Variants in ITPR1 observed in about 807,000 individuals in gnomAD.
The protein encoded by ITPR1 is inositol 1,4,5-trisphosphate receptor type 1, also known as inositol 1,4,5-trisphosphate-gated calcium channel ITPR1.
Under a neutral mutation model 318.4 loss-of-function variants are expected in ITPR1, and 96 were observed. That is an observed-to-expected ratio of 0.30 (90% CI 0.26 to 0.36). ITPR1 has a LOEUF of 0.36. Ranked by LOEUF, ITPR1 falls within the 10% of genes least tolerant of loss-of-function variation. The pLI is 1.00. For synonymous variants in ITPR1, 1,312 were observed against 1,289.9 expected, an observed-to-expected ratio of 1.02 and a Z score of -0.37; for missense variants, 2,440 against 3,460.2, an observed-to-expected ratio of 0.71 and a Z score of 7.40.
intron 53 of ITPR1, among the ~76,000 whole-genome samples, chr3:4,797,499 C>A (rs2047973706): frequency 6.6e-6 from 1 of 152,142 alleles, no homozygotes; most frequent in Admixed American, 6.5e-5. Context: ...CTGCCAAGAA[C>A]CAGTGGCCTT....
At chr3:4,630,316 C>T (rs528700797) in intron 5 of ITPR1, among the ~76,000 whole-genome samples, 1 of 151,864 alleles carries the variant, frequency 6.6e-6, no homozygotes, top group Non-Finnish European at 1.5e-5. Context: ...GGGCTTCAAG[C>T]ATAATCACAA....
chr3:4,780,739 G>A (rs886905974), intron 49 of ITPR1, among the ~76,000 whole-genome samples: 4 of 152,182 alleles, frequency 2.6e-5, no homozygotes, highest in African/African-American at 7.2e-5. Context: ...GCCTCTCTGA[G>A]TTTACATAAC....
rs1180536551 is a variant in ITPR1 at position 4,800,600 on chromosome 3, T to C, written c.7107T>C (p.Asn2369=). Residue 2369 remains asparagine (N), a splice_region_variant and synonymous_variant, in exon 54 of 62, where the codon AAT becomes AAC. Transcript: ENST00000649015. ...CGTTGTTTCTTCTGGGCGCTTTCAA[T>C]GTAAGTGTGAATACCTTCCTTGCCA... ...QPTLFLLGAF[N]VCNKIIFLMS... is the part of the protein sequence containing the mutation. The C allele has an allele frequency of 2.5e-6, 4 of 1,613,738 alleles. No homozygotes were observed. Among genetic ancestry groups the C allele is most frequent in the African/African-American group, 1.3e-5 (1 of 74,958 alleles).
At chr3:4,598,260 T>TA (rs1340394229) in intron 4 of ITPR1, among the ~76,000 whole-genome samples, 1 of 152,228 alleles carries the variant, frequency 6.6e-6, no homozygotes, top group Admixed American at 6.5e-5. Flanking sequence ...GGATGTGTGA[T>TA]ACTTGAGTGT....
At chr3:4,642,836 TAGTC>T (rs1457497046) in intron 7 of ITPR1, among the ~76,000 whole-genome samples, 2 of 152,232 alleles carry the variant, frequency 1.3e-5, no homozygotes, top group African/African-American at 4.8e-5. Context: ...TTGGCTGAAT[TAGTC>T]AGCCATTACG....
At chr3:4,819,060 C>T (rs558895258) in intron 60 of ITPR1, among the ~76,000 whole-genome samples, 22 of 152,314 alleles carry the variant, frequency 1.4e-4, no homozygotes, top group African/African-American at 5.1e-4. Context: ...GACTTGAGTG[C>T]TCGGCCTGAT....
chr3:4,779,901 C>T lies in ITPR1; in HGVS notation c.6387+256C>T, dbSNP rs974023536. ...TGCCGTTGAAAGTAATGGCAAAAAC[C>T]GCGATTACTTTTGCACCAACCTATA... On this transcript the variant is annotated intron_variant, in intron 49 of 61. Coordinates refer to ENST00000649015, the MANE Select transcript of ITPR1 (RefSeq NM_001378452.1). The surrounding 1 kb of genome is among the most constrained non-coding windows in gnomAD (Gnocchi z 4.0). Among the ~76,000 whole-genome samples, 5 of 148,756 alleles carry T rather than the reference C, an allele frequency of 3.4e-5. No homozygotes were observed. The highest frequency in any genetic ancestry group is 6.0e-5 in the Non-Finnish European group (4 of 67,226).
At chr3:4,533,942 A>C (rs1012708761) in intron 4 of ITPR1, among the ~76,000 whole-genome samples, 1 of 152,196 alleles carries the variant, frequency 6.6e-6, no homozygotes, top group African/African-American at 2.4e-5. Context: ...GACTCTTGAC[A>C]GACAGGAGGA....
At chr3:4,648,879 A>G (rs1413946009) in intron 10 of ITPR1, among the ~76,000 whole-genome samples, 1 of 152,218 alleles carries the variant, frequency 6.6e-6, no homozygotes, top group Non-Finnish European at 1.5e-5. Flanking sequence ...ACTGTGCTTT[A>G]GTGTATTTGT....
chr3:4,825,902 G>T (rs778596693), intron 60 of ITPR1: 1 of 402,952 alleles, frequency 2.5e-6, no homozygotes, highest in South Asian at 1.8e-5. Flanking sequence ...ACCTAGGTTT[G>T]GGGGAAAAGA....
At chr3:4,786,088 TC>T (rs1343213753) in intron 51 of ITPR1, among the ~76,000 whole-genome samples, 1 of 152,196 alleles carries the variant, frequency 6.6e-6, no homozygotes. Context: ...TGTCTACTCC[TC>T]CTTTCCCTCC....
chr3:4,661,160 C>A, intron 14 of ITPR1, 73 bp downstream of exon 14: 2 of 843,736 alleles, frequency 2.4e-6, no homozygotes, highest in Middle Eastern at 2.2e-4. Context: ...GAGGACAGAT[C>A]AGGGAGTATG....
chr3:4,672,626 C>T (rs2094110503), intron 20 of ITPR1, among the ~76,000 whole-genome samples: 1 of 152,188 alleles, frequency 6.6e-6, no homozygotes, highest in Non-Finnish European at 1.5e-5. Flanking sequence ...GAGTCTCCTA[C>T]TTTTGTAAAT....
chr3:4,722,547 T>C (rs979622606), intron 40 of ITPR1, among the ~76,000 whole-genome samples: 6 of 152,228 alleles, frequency 3.9e-5, no homozygotes, highest in East Asian at 1.9e-4. Flanking sequence ...GTATTATACA[T>C]TGTATTTATA....
intron 44 of ITPR1, among the ~76,000 whole-genome samples, chr3:4,760,821 G>A (rs1467420858): frequency 6.6e-6 from 1 of 152,148 alleles, no homozygotes; most frequent in Non-Finnish European, 1.5e-5. Context: ...TGCCTCCACA[G>A]CGAAGGCTCC....
chr3:4,711,675 T>C, intron 38 of ITPR1, 82 bp from the exon 39 acceptor site: 1 of 745,652 alleles, frequency 1.3e-6, no homozygotes, highest in Non-Finnish European at 2.4e-6. Context: ...ATTAACGGAC[T>C]AGTTAAAATA....
At chr3:4,742,781 A>G (rs2043802683) in intron 44 of ITPR1, among the ~76,000 whole-genome samples, 1 of 152,112 alleles carries the variant, frequency 6.6e-6, no homozygotes, top group Non-Finnish European at 1.5e-5. Flanking sequence ...ATTTTTATTT[A>G]TTTTAAATAC....
At chr3:4,616,141 G>C (rs1467858731) in intron 4 of ITPR1, among the ~76,000 whole-genome samples, 1 of 152,210 alleles carries the variant, frequency 6.6e-6, no homozygotes, top group Non-Finnish European at 1.5e-5. Context: ...GGAGTTAATT[G>C]CTTGTTTATG....
At chr3:4,661,484 T>C (rs2093831790) in intron 14 of ITPR1, among the ~76,000 whole-genome samples, 2 of 152,224 alleles carry the variant, frequency 1.3e-5, no homozygotes, top group African/African-American at 4.8e-5. Flanking sequence ...TACACTTTTA[T>C]TTCATGAATG....
Sources: allele counts gnomAD v4.1 joint callset (sites outside exome capture counted in the v4.1 genomes callset), GRCh38; gene constraint gnomAD v4.1.1; non-coding constraint Gnocchi (gnomAD v3.1); transcripts MANE v1.5; gene names NCBI Gene and HGNC (gene_info 2026-07-23, HGNC 2026-07-21).